Variants in ARL13A observed in about 807,000 individuals in gnomAD.
ARL13A encodes ARF like GTPase 13A, also known as ADP-ribosylation factor-like protein 13A.
In ARL13A, 16 loss-of-function variants were observed where a neutral mutation model predicts 19.1. The observed-to-expected ratio is 0.84, with a 90% CI of 0.57 to 1.27. The LOEUF is 1.27. ARL13A is among the 50% of genes most tolerant of loss of function. The pLI is 0.00. For synonymous variants in ARL13A, 69 were observed against 71.3 expected (o/e 0.97, Z 0.17); for missense variants, 153 against 186.4 (o/e 0.82, Z 1.04).
At chrX:100,974,000 TTTA>T in intron 2 of ARL13A, 124 bp from the exon 3 acceptor site, 1 of 603,722 alleles carries the variant, frequency 1.7e-6, no homozygotes, top group South Asian at 2.9e-5. Flanking sequence ...GGCTGGGCCT[TTTA>T]TGGTACATGC....
intron 5 of ARL13A, 107 bp downstream of exon 5, chrX:100,987,008 C>A: frequency 2.1e-6 from 1 of 475,666 alleles, no homozygotes. Flanking sequence ...AAAGTCTCTC[C>A]CTGTCAGGCA....
chrX:100,984,554 G>A (rs2085910924), intron 3 of ARL13A, among the ~76,000 whole-genome samples: 1 of 112,428 alleles, frequency 8.9e-6, no homozygotes, highest in Non-Finnish European at 1.9e-5. Context: ...AGTCTAGCAT[G>A]GTTTCTTGGA....
At chrX:100,981,349 C>A (rs1475873390) in intron 3 of ARL13A, among the ~76,000 whole-genome samples, 1 of 111,538 alleles carries the variant, frequency 9.0e-6, no homozygotes, top group Non-Finnish European at 1.9e-5. Context: ...TGTGACAGGG[C>A]AGCACTGAGT....
At chrX:100,980,938 A>C (rs2085844071) in intron 3 of ARL13A, among the ~76,000 whole-genome samples, 1 of 111,143 alleles carries the variant, frequency 9.0e-6, no homozygotes, top group African/African-American at 3.3e-5. Context: ...CTGGTACTTT[A>C]TTTTCCTGTG....
chrX:100,973,638 A>G, intron 1 of ARL13A, 38 bp from the exon 2 acceptor site: 16 of 1,156,698 alleles, frequency 1.4e-5, no homozygotes, highest in Middle Eastern at 3.0e-4. Flanking sequence ...TTATAACAGG[A>G]CTTACTTCTT....
At chrX:100,983,984 T>C (rs1849946250) in intron 3 of ARL13A, among the ~76,000 whole-genome samples, 1 of 111,898 alleles carries the variant, frequency 8.9e-6, no homozygotes, top group Non-Finnish European at 1.9e-5. Context: ...CTCCCAGGTA[T>C]GGGTGCAGAG....
At chrX:100,973,248 G>A (rs1297855115) in intron 1 of ARL13A, among the ~76,000 whole-genome samples, 5 of 65,056 alleles carry the variant, frequency 7.7e-5, no homozygotes, top group Non-Finnish European at 1.5e-4. Context: ...CCAGGCAGAG[G>A]GGCTCCTCAC....
chrX:100,986,809 C>T lies in ARL13A; in HGVS notation c.394C>T (p.Gln132Ter), dbSNP rs1258486674. 1 of 1,194,146 alleles carries T rather than the reference C, an allele frequency of 8.4e-7. No individual in the cohort carries two copies. Among genetic ancestry groups the T allele is most frequent in the African/African-American group, 1.7e-5 (1 of 57,227 alleles). Residue 132 changes from glutamine (Q) to a stop codon, truncating the protein, a stop_gained, in exon 5 of 8, where the codon CAA becomes TAA. Transcript: ENST00000450049. LOFTEE classifies it high-confidence loss of function. ...GKPILILANK[Q>*]DKKKALMPCD... ...ATGCTGTTTTAGTTTAGCAAACAAACAAGACAAGAAGAAAGCCCTCATGCC... is the reference window on the plus strand; with the variant it reads ...ATGCTGTTTTAGTTTAGCAAACAAATAAGACAAGAAGAAAGCCCTCATGCC...
intron 3 of ARL13A, among the ~76,000 whole-genome samples, chrX:100,975,065 A>G (rs756917236): frequency 8.9e-6 from 1 of 111,886 alleles, no homozygotes; most frequent in South Asian, 3.8e-4. Flanking sequence ...AGGACTTAAT[A>G]TAAAAGTCTG....
chrX:100,985,655 C>T lies in ARL13A; in HGVS notation c.131-12C>T. 6 of 1,194,727 alleles carry T rather than the reference C, an allele frequency of 5.0e-6. No homozygotes were observed. Among genetic ancestry groups the T allele is most frequent in the South Asian group, 1.9e-5 (1 of 53,992 alleles). On this transcript the variant is annotated splice_polypyrimidine_tract_variant and intron_variant, in intron 3 of 7. Coordinates refer to ENST00000450049, the MANE Select transcript of ARL13A (RefSeq NM_001162491.2). ...CTAAGTGATTGCTTCTCCTCTTTTC[C>T]CCTATGCACAGTACTTCCCAGTAAG...
At chrX:100,970,545 C>T (rs954626920) in intron 1 of ARL13A, among the ~76,000 whole-genome samples, 1 of 112,264 alleles carries the variant, frequency 8.9e-6, no homozygotes, top group African/African-American at 3.2e-5. Context: ...AACATACAGT[C>T]GTCCCTCAGT....
chrX:100,978,018 TACAC>T (rs1320638284), intron 3 of ARL13A, among the ~76,000 whole-genome samples: 1 of 112,201 alleles, frequency 8.9e-6, no homozygotes, highest in Non-Finnish European at 1.9e-5. Context: ...TTTGGATACA[TACAC>T]AGCAGGTGGA....
At chrX:100,971,075 A>C (rs1372815534) in intron 1 of ARL13A, among the ~76,000 whole-genome samples, 1 of 109,312 alleles carries the variant, frequency 9.1e-6, no homozygotes, top group Non-Finnish European at 1.9e-5. Context: ...CCACTTTCCA[A>C]GGATGAACCT....
At chrX:100,973,851 G>A in intron 2 of ARL13A, 103 bp downstream of exon 2, 4 of 889,261 alleles carry the variant, frequency 4.5e-6, no homozygotes, top group Non-Finnish European at 6.5e-6. Context: ...ATTGTTAGGT[G>A]AAGTGATTAA....
intron 3 of ARL13A, among the ~76,000 whole-genome samples, chrX:100,981,906 A>G (rs1402967930): frequency 9.2e-6 from 1 of 108,404 alleles, no homozygotes; most frequent in Non-Finnish European, 1.9e-5. Context: ...TAGTTGTTCA[A>G]TTTGGTGTTC....
chrX:100,973,663 CTT>C lies in ARL13A; in HGVS notation c.-14-12_-14-11del. ...ACTTACTTCTTATTTTCTTTCTTCT[CTT>C]AATATTTAAGAACTAAGATGAATCA... On this transcript the variant is annotated splice_polypyrimidine_tract_variant and intron_variant, in intron 1 of 7. Transcript: ENST00000450049. 2 of 1,203,742 alleles carry C rather than the reference CTT, an allele frequency of 1.7e-6. No homozygotes were observed. Among genetic ancestry groups the C allele is most frequent in the African/African-American group, 1.7e-5 (1 of 57,709 alleles).
chrX:100,981,444 G>A (rs2085852890), intron 3 of ARL13A, among the ~76,000 whole-genome samples: 1 of 110,243 alleles, frequency 9.1e-6, no homozygotes, highest in African/African-American at 3.3e-5. Context: ...AGGGGATGAG[G>A]AAAGGGTGGT....
chrX:100,973,435 C>T (rs749128127), intron 1 of ARL13A, among the ~76,000 whole-genome samples: 3 of 106,598 alleles, frequency 2.8e-5, no homozygotes, highest in South Asian at 8.8e-4. Context: ...CGGCGCTCGC[C>T]GGCGCGGCGG....
At chrX:100,979,514 A>G (rs769027219) in intron 3 of ARL13A, among the ~76,000 whole-genome samples, 1 of 111,663 alleles carries the variant, frequency 9.0e-6, no homozygotes, top group African/African-American at 3.3e-5. Flanking sequence ...TCTTTGTGTT[A>G]TCTTGGACTT....
Sources: gnomAD v4.1 joint callset for allele counts (sites outside exome capture counted in the v4.1 genomes callset) on GRCh38, gnomAD v4.1.1 for gene constraint, MANE v1.5 for transcripts, NCBI Gene and HGNC (gene_info 2026-07-23, HGNC 2026-07-21) for gene names.